NHS: variants seen among roughly 807,000 people sequenced by gnomAD.
NHS encodes NHS actin remodeling regulator, also known as actin remodeling regulator NHS.
In NHS, 5 loss-of-function variants were observed where a neutral mutation model predicts 72.5. The ratio of observed to expected loss-of-function variants is 0.07; its 90% confidence interval spans 0.04 to 0.14. NHS has a LOEUF of 0.14. Ranked by LOEUF, NHS falls within the 10% of genes least tolerant of loss-of-function variation. The pLI, the probability that NHS is intolerant of heterozygous loss-of-function variation, is 1.00. For synonymous variants in NHS, 464 were observed against 547.7 expected, an observed-to-expected ratio of 0.85 and a Z score of 2.13; for missense variants, 1,072 against 1,355.7, an observed-to-expected ratio of 0.79 and a Z score of 3.29.
chrX:17,537,593 C>G (rs1023797374), intron 1 of NHS, among the ~76,000 whole-genome samples: 1 of 112,252 alleles, frequency 8.9e-6, no homozygotes, highest in East Asian at 2.8e-4. Context: ...CAGGTCCCCC[C>G]AAAATGGAGG....
intron 1 of NHS, among the ~76,000 whole-genome samples, chrX:17,685,877 TCA>T (rs755480612): frequency 2.4e-4 from 27 of 111,989 alleles, no homozygotes; most frequent in Non-Finnish European, 3.9e-4. Flanking sequence ...CCAGGCAGAA[TCA>T]CAGTTAAACC....
rs192366649 is a variant in NHS, at chrX:17,427,043, G to A, written c.565+50721G>A. On this transcript the variant is annotated intron_variant, in intron 1 of 8. Coordinates refer to ENST00000676302, the MANE Select transcript of NHS (RefSeq NM_001291867.2). ...TAACCCCAGATCACTTGGCATGCTC[G>A]GCCTGGCTGACCTGCTGACAGAACT... Among the ~76,000 whole-genome samples, 22 of 112,044 alleles carry A rather than the reference G, an allele frequency of 2.0e-4. No individual in the cohort carries two copies. In the Admixed American group the frequency reaches 2.0e-3, roughly 10 times the overall value.
At chrX:17,686,454 T>G (rs1173025535) in intron 1 of NHS, among the ~76,000 whole-genome samples, 1 of 112,030 alleles carries the variant, frequency 8.9e-6, no homozygotes, top group Non-Finnish European at 1.9e-5. Context: ...GGCCCAGCCC[T>G]GTATCCTGGC....
At chrX:17,593,199 C>G (rs1273625755) in intron 1 of NHS, among the ~76,000 whole-genome samples, 1 of 111,444 alleles carries the variant, frequency 9.0e-6, no homozygotes, top group Admixed American at 9.5e-5. Flanking sequence ...CTTAACCTCT[C>G]TGATGTCAAC....
At chrX:17,723,922 A>C (rs12559444) in intron 5 of NHS, among the ~76,000 whole-genome samples, 2 of 111,649 alleles carry the variant, frequency 1.8e-5, no homozygotes, top group Non-Finnish European at 3.8e-5. Flanking sequence ...CTGATTTACT[A>C]TGCAAAGGTA....
At chrX:17,400,598 A>G (rs369993537) in intron 1 of NHS, among the ~76,000 whole-genome samples, 37 of 111,166 alleles carry the variant, frequency 3.3e-4, no homozygotes, top group African/African-American at 1.1e-3. Flanking sequence ...AAAGAAAAAA[A>G]AAAAGAGAGA....
chrX:17,563,041 T>G (rs920401321), intron 1 of NHS, among the ~76,000 whole-genome samples: 4 of 112,155 alleles, frequency 3.6e-5, no homozygotes, highest in African/African-American at 9.7e-5. Flanking sequence ...GTGCCATGGT[T>G]TGTGCCCACG....
At chrX:17,671,501 T>A (rs2066045395) in intron 1 of NHS, among the ~76,000 whole-genome samples, 1 of 112,720 alleles carries the variant, frequency 8.9e-6, no homozygotes, top group South Asian at 3.7e-4. Flanking sequence ...GGCAGATTAT[T>A]TCTGTAGCAC....
chrX:17,648,761 A>G (rs769204330), intron 1 of NHS, among the ~76,000 whole-genome samples: 5 of 112,155 alleles, frequency 4.5e-5, no homozygotes, highest in Non-Finnish European at 7.5e-5. Context: ...GAGACAGTGT[A>G]GTGAGGTGGA....
At chrX:17,396,821 C>G (rs1284357757) in intron 1 of NHS, among the ~76,000 whole-genome samples, 1 of 111,313 alleles carries the variant, frequency 9.0e-6, no homozygotes, top group Non-Finnish European at 1.9e-5. Context: ...TACAACATGA[C>G]TTTACATATT....
Position 17,727,424 on chromosome X carries a change from T to A in NHS, c.3318T>A (p.His1106Gln), listed in dbSNP as rs1240639708. ...TGAACAAACCATTCCACCACCGTCA[T>A]CCACTGCATGTTTTTACTCATAATA... ...NVLNKPFHHR[H>Q]PLHVFTHNKQ... The change falls in exon 7 of 9, where the codon CAT (histidine) becomes CAA (glutamine). Residue 1106 changes from histidine (H) to glutamine (Q), a missense_variant. Transcript: ENST00000676302. 9.1e-6 allele frequency: 11 copies of A among 1,211,702 alleles called. No homozygotes were observed. The highest frequency in any genetic ancestry group is 1.0e-5 in the Non-Finnish European group (9 of 895,437).
In NHS at chrX:17,490,256, A is replaced by C. The variant is rs185920241; in HGVS notation, c.565+113934A>C. ...TTTCTTCTAGGGTTTTTATGGTTTT[A>C]GGTCTTATGTTTAATTCTTTAATCC... On this transcript the variant is annotated intron_variant, in intron 1 of 8. Transcript: ENST00000676302. 1.4e-3 allele frequency among the ~76,000 whole-genome samples: 153 copies of C among 112,219 alleles called. 1 individual carries two copies. In the East Asian group the frequency reaches 0.025, roughly 18 times the overall value.
At position 17,559,353 on chromosome X, in the gene NHS, A is replaced by G. The variant is rs1036616318; in HGVS notation, c.566-128389A>G. On this transcript the variant is annotated intron_variant, in intron 1 of 8. Transcript: ENST00000676302. ...GGCCTTTGCATCCAAGAAAGATTGTAGTACTTGACTTCAGAGATCTTTAAG... is the reference window on the plus strand; with the variant it reads ...GGCCTTTGCATCCAAGAAAGATTGTGGTACTTGACTTCAGAGATCTTTAAG... Among the ~76,000 whole-genome samples the G allele has an allele frequency of 2.7e-5, 3 of 112,164 alleles. No individual in the cohort carries two copies. The East Asian group carries it at 8.4e-4, about 31-fold the overall frequency.
intron 1 of NHS, among the ~76,000 whole-genome samples, chrX:17,617,342 T>G (rs1260761630): frequency 8.9e-6 from 1 of 112,559 alleles, no homozygotes; most frequent in Non-Finnish European, 1.9e-5. Flanking sequence ...TGCCATGTTT[T>G]TAGATGCTCA....
chrX:17,399,109 CT>C (rs975955174), intron 1 of NHS, among the ~76,000 whole-genome samples: 147 of 106,277 alleles, frequency 1.4e-3, no homozygotes, highest in Middle Eastern at 4.8e-3. Context: ...TTTTTCTTTT[CT>C]TTTTTTTTTC....
intron 1 of NHS, among the ~76,000 whole-genome samples, chrX:17,491,754 C>CT (rs760624484): frequency 0.041 from 2,801 of 68,440 alleles, 156 homozygotes; most frequent in African/African-American, 0.13. Context: ...TGGTCCTGGG[C>CT]TTTTTTTTTT....
At chrX:17,408,618 T>G (rs907154329) in intron 1 of NHS, among the ~76,000 whole-genome samples, 2 of 111,353 alleles carry the variant, frequency 1.8e-5, no homozygotes, top group Admixed American at 9.6e-5. Flanking sequence ...CAACTTGTTC[T>G]CCCTTCTCCC....
At chrX:17,657,096 C>T (rs770605271) in intron 1 of NHS, among the ~76,000 whole-genome samples, 94 of 112,825 alleles carry the variant, frequency 8.3e-4, no homozygotes, top group Non-Finnish European at 1.1e-3. Flanking sequence ...GCGCACCTGT[C>T]CCCTGGGGTC....
Position 17,717,691 on chromosome X carries a change from C to G in NHS, c.853-1653C>G, listed in dbSNP as rs2066372520. Among the ~76,000 whole-genome samples the G allele has an allele frequency of 3.6e-5, 4 of 111,938 alleles. No individual in the cohort carries two copies. In the South Asian group the frequency reaches 1.5e-3, roughly 42 times the overall value. ...CAAGAATTTCAAAACAGTGACAGCA[C>G]AACCTGAAACCAAGTATGGGGGCCT... is the stretch of plus-strand genomic sequence containing the variant. On this transcript the variant is annotated intron_variant, in intron 3 of 8. Transcript: ENST00000676302.
Sources: gnomAD v4.1 joint callset for allele counts (sites outside exome capture counted in the v4.1 genomes callset) on GRCh38, gnomAD v4.1.1 for gene constraint, MANE v1.5 for transcripts, NCBI Gene and HGNC (gene_info 2026-07-23, HGNC 2026-07-21) for gene names.